The following CDK19 variants were observed in gnomAD, a reference collection of about 807,000 sequenced individuals.
The protein encoded by CDK19 is cyclin dependent kinase 19, also known as cyclin-dependent kinase 19.
CDK19 carries 20 observed loss-of-function variants against 68.3 expected under a neutral mutation model. That is an observed-to-expected ratio of 0.29 (90% CI 0.21 to 0.43). CDK19 has a LOEUF of 0.43. CDK19 is among the 20% of genes least tolerant of loss of function. CDK19 has a pLI of 1.00. For missense variants in CDK19, 339 were observed against 623.5 expected, an observed-to-expected ratio of 0.54 and a Z score of 4.86; for synonymous variants, 221 against 222.8, an observed-to-expected ratio of 0.99 and a Z score of 0.07.
At chr6:110,695,646 G>C (rs1401389038) in intron 2 of CDK19, among the ~76,000 whole-genome samples, 1 of 152,012 alleles carries the variant, frequency 6.6e-6, no homozygotes, top group African/African-American at 2.4e-5. Context: ...AGCTCAATTA[G>C]AAATGAAACT....
At chr6:110,619,013 G>A (rs185331025) in intron 12 of CDK19, among the ~76,000 whole-genome samples, 1 of 152,230 alleles carries the variant, frequency 6.6e-6, no homozygotes, top group African/African-American at 2.4e-5. Context: ...AACTTTCAGA[G>A]AGTGAAAGGA....
chr6:110,638,720 T>A lies in CDK19; in HGVS notation c.457-14A>T, dbSNP rs201885748. 1 of 1,454,704 alleles carries A rather than the reference T, an allele frequency of 6.9e-7. No individual in the cohort carries two copies. The highest frequency in any genetic ancestry group is 9.6e-7 in the Non-Finnish European group (1 of 1,038,080). 90.1% of individuals were successfully genotyped at this position (1,454,704 alleles called of 1,614,324 possible). On this transcript the variant is annotated splice_polypyrimidine_tract_variant and intron_variant, in intron 4 of 12. Transcript: ENST00000368911. ...ATTTGCTGGTTTCTAGAAATAAAAA[T>A]AGAGCATTCAAATTACCATGTTTAT...
intron 9 of CDK19, 95 bp downstream of exon 9, chr6:110,623,195 A>G: frequency 9.8e-7 from 1 of 1,016,414 alleles, no homozygotes; most frequent in South Asian, 1.4e-5. Context: ...GCATCCACTA[A>G]TTTCTTTTGT....
intron 8 of CDK19, among the ~76,000 whole-genome samples, chr6:110,625,533 T>C (rs1779035605): frequency 6.6e-6 from 1 of 151,940 alleles, no homozygotes. Context: ...ATAACTAGTT[T>C]GGTTTTGAAT....
At chr6:110,615,658 A>T (rs1403588846) in intron 12 of CDK19, among the ~76,000 whole-genome samples, 1 of 152,234 alleles carries the variant, frequency 6.6e-6, no homozygotes, top group Non-Finnish European at 1.5e-5. Flanking sequence ...CTTTGGGAGA[A>T]ATTTAGTTTA....
In CDK19 at chr6:110,754,033, C is replaced by CT. The variant is rs751347932; in HGVS notation, c.129-7833dup. Among the ~76,000 whole-genome samples the CT allele has an allele frequency of 3.6e-3, 505 of 138,758 alleles. 3 individuals carry two copies. The highest frequency in any genetic ancestry group is 9.1e-3 in the African/African-American group (344 of 37,898). The allele number at this position is 138,758 out of a possible 152,430, so 91.0% of individuals were successfully genotyped here. On this transcript the variant is annotated intron_variant, in intron 1 of 12. Transcript: ENST00000368911. ...AATTTGTTTCTAAAATTGGCAAATT[C>CT]TTTTTTTTTTTTTTTAGACAGGGTC...
At chr6:110,626,526 G>A (rs911058232) in intron 8 of CDK19, among the ~76,000 whole-genome samples, 2 of 152,132 alleles carry the variant, frequency 1.3e-5, no homozygotes, top group African/African-American at 4.8e-5. Flanking sequence ...CCTTGTAAAA[G>A]AGTAAAAGAG....
rs117669970 is a variant in CDK19 at position 110,686,493 on chromosome 6, A to G, written c.205-15952T>C. Among the ~76,000 whole-genome samples the G allele has an allele frequency of 2.4e-3, 361 of 152,308 alleles. 2 individuals are homozygous for G. Among genetic ancestry groups the G allele is most frequent in the African/African-American group, 7.6e-3 (315 of 41,556 alleles). On this transcript the variant is annotated intron_variant, in intron 2 of 12. Coordinates refer to ENST00000368911, the MANE Select transcript of CDK19 (RefSeq NM_015076.5). ...AAATTTGCTATGGCAGATTTCCATC[A>G]CTACATGATAGGGTGTATCTCTTAT... is the stretch of plus-strand genomic sequence containing the variant.
At chr6:110,659,913 T>C (rs1781515377) in intron 4 of CDK19, among the ~76,000 whole-genome samples, 1 of 152,202 alleles carries the variant, frequency 6.6e-6, no homozygotes, top group Admixed American at 6.5e-5. Context: ...AAATTATATA[T>C]GAAAGGTGGG....
intron 2 of CDK19, among the ~76,000 whole-genome samples, chr6:110,722,775 A>G (rs1345784260): frequency 6.6e-6 from 1 of 151,816 alleles, no homozygotes; most frequent in East Asian, 1.9e-4. Context: ...CTGAGGAGGG[A>G]GGATCACCTG....
rs1186192320 is a variant in CDK19 at position 110,612,370 on chromosome 6, C to T, written c.*2165G>A. 2.0e-5 allele frequency: 3 copies of T among 152,634 alleles called. No homozygotes were observed. The highest frequency in any genetic ancestry group is 2.0e-4 in the Admixed American group (3 of 15,288). The allele number at this position is 152,634 out of a possible 1,614,324, so 9.5% of individuals were successfully genotyped here. On this transcript the variant is annotated 3_prime_UTR_variant, in exon 13 of 13. Transcript: ENST00000368911. ...TCTCTAAGGTAGACTGACATAGAAA[C>T]CCTTCCATAATATTATTTACAGAAC... is the stretch of plus-strand genomic sequence containing the variant.
At chr6:110,734,136 A>C (rs1582979298) in intron 2 of CDK19, among the ~76,000 whole-genome samples, 2 of 152,016 alleles carry the variant, frequency 1.3e-5, no homozygotes, top group South Asian at 4.2e-4. Flanking sequence ...CAGCCTGCCA[A>C]GTAGCTGGGA....
At chr6:110,622,051 G>A (rs779907097) in intron 11 of CDK19, 37 bp downstream of exon 11, 1 of 1,272,840 alleles carries the variant, frequency 7.9e-7, no homozygotes, top group Non-Finnish European at 1.1e-6. Flanking sequence ...TGCCTCCCTT[G>A]CTCTTTGGAA....
At chr6:110,659,940 T>G (rs1332930688) in intron 4 of CDK19, among the ~76,000 whole-genome samples, 1 of 152,228 alleles carries the variant, frequency 6.6e-6, no homozygotes, top group African/African-American at 2.4e-5. Context: ...TTGCATTTTC[T>G]TCATTGCATT....
At chr6:110,808,474 T>C (rs1035770565) in intron 1 of CDK19, among the ~76,000 whole-genome samples, 4 of 152,246 alleles carry the variant, frequency 2.6e-5, no homozygotes, top group Non-Finnish European at 5.9e-5. Context: ...GCTTTGGCAC[T>C]ACAATAGAGT....
intron 2 of CDK19, among the ~76,000 whole-genome samples, chr6:110,675,426 G>C (rs934012897): frequency 6.6e-6 from 1 of 151,994 alleles, no homozygotes; most frequent in African/African-American, 2.4e-5. Flanking sequence ...TCGGGAGTTC[G>C]AGACCAGCCT....
chr6:110,637,865 C>T lies in CDK19; in HGVS notation c.514+784G>A, dbSNP rs1779882651. Among the ~76,000 whole-genome samples the T allele has an allele frequency of 2.0e-5, 3 of 151,836 alleles. No homozygotes were observed. In the South Asian group the frequency reaches 6.3e-4, roughly 32 times the overall value. ...GGCGTGGTGGCGGGAGCCTGTAGTC[C>T]CAGCTACTTGGGAGACTGAGGCAGG... On this transcript the variant is annotated intron_variant, in intron 5 of 12. Coordinates refer to ENST00000368911, the MANE Select transcript of CDK19 (RefSeq NM_015076.5).
rs535186572 is a variant in CDK19 at position 110,793,459 on chromosome 6, C to T, written c.128+21550G>A. ...TGTTAAGTCTTTATACTTACATGGACATGAAAGTCAACAAAATGTGTTTTG... is the reference window on the plus strand; with the variant it reads ...TGTTAAGTCTTTATACTTACATGGATATGAAAGTCAACAAAATGTGTTTTG... On this transcript the variant is annotated intron_variant, in intron 1 of 12. Transcript: ENST00000368911. Among the ~76,000 whole-genome samples the T allele has an allele frequency of 3.9e-5, 6 of 152,274 alleles. No homozygotes were observed. In the South Asian group the frequency reaches 1.2e-3, roughly 32 times the overall value.
chr6:110,665,531 C>G (rs2114398972), intron 4 of CDK19, among the ~76,000 whole-genome samples: 1 of 152,216 alleles, frequency 6.6e-6, no homozygotes, highest in East Asian at 1.9e-4. Context: ...TTAAGCTATG[C>G]TGTTTAGAAC....
Sources: gnomAD v4.1 joint callset for allele counts (sites outside exome capture counted in the v4.1 genomes callset) on GRCh38, gnomAD v4.1.1 for gene constraint, MANE v1.5 for transcripts, NCBI Gene and HGNC (gene_info 2026-07-23, HGNC 2026-07-21) for gene names.